XRCC4: variants seen among roughly 807,000 people sequenced by gnomAD.
XRCC4 encodes the protein DNA repair protein XRCC4.
A neutral mutation model predicts 39.1 loss-of-function variants in XRCC4; 28 were observed. That is an observed-to-expected ratio of 0.72 (90% CI 0.53 to 0.98). XRCC4 has a LOEUF of 0.98. Among genes scored for constraint, XRCC4 ranks in the 50% least tolerant of loss-of-function variants. The probability of loss-of-function intolerance (pLI) is 0.00; values close to 1 mark genes in which losing one functional copy is unlikely to be tolerated. For missense variants in XRCC4, 350 were observed against 376.4 expected, an observed-to-expected ratio of 0.93 and a Z score of 0.58; for synonymous variants, 123 against 126.4, an observed-to-expected ratio of 0.97 and a Z score of 0.18.
intron 3 of XRCC4, among the ~76,000 whole-genome samples, chr5:83,127,559 G>GTT (rs70973380): frequency 2.7e-5 from 4 of 150,484 alleles, no homozygotes; most frequent in Non-Finnish European, 5.9e-5. Context: ...TTTTGTTTTT[G>GTT]TTTTTTTTTA....
intron 1 of XRCC4, among the ~76,000 whole-genome samples, chr5:83,084,307 T>C (rs1745087491): frequency 6.6e-6 from 1 of 152,218 alleles, no homozygotes; most frequent in South Asian, 2.1e-4. Context: ...GACAATTTGC[T>C]CCTTGTTATT....
chr5:83,147,934 C>A (rs1748537072), intron 3 of XRCC4, among the ~76,000 whole-genome samples: 1 of 151,990 alleles, frequency 6.6e-6, no homozygotes, highest in East Asian at 1.9e-4. Context: ...ATTACAGACA[C>A]ATGCCACTAT....
At chr5:83,233,733 CAA>C (rs200461475) in intron 6 of XRCC4, among the ~76,000 whole-genome samples, 45 of 98,408 alleles carry the variant, frequency 4.6e-4, no homozygotes, top group Admixed American at 8.6e-4. Context: ...ACTAAAAATG[CAA>C]AAAAAAAAAA....
the XRCC4 span, among the ~76,000 whole-genome samples, chr5:83,360,085 G>A: frequency 2.0e-5 from 3 of 152,088 alleles, no homozygotes; most frequent in Non-Finnish European, 2.9e-5. Flanking sequence ...AGAATAATAC[G>A]TATATTAATC....
intron 5 of XRCC4, 61 bp from the exon 6 acceptor site, chr5:83,204,754 A>T: frequency 8.1e-7 from 1 of 1,237,384 alleles, no homozygotes; most frequent in Non-Finnish European, 1.2e-6. Flanking sequence ...CTTACTGATA[A>T]ATCTGCTGCC....
chr5:83,368,333 A>T, the XRCC4 span, among the ~76,000 whole-genome samples: 1 of 152,138 alleles, frequency 6.6e-6, no homozygotes, highest in Admixed American at 6.5e-5. Context: ...ATGAAATGGC[A>T]ATGAGCACAG....
chr5:83,134,429 C>G (rs1334900332), intron 3 of XRCC4, among the ~76,000 whole-genome samples: 1 of 152,172 alleles, frequency 6.6e-6, no homozygotes, highest in African/African-American at 2.4e-5. Flanking sequence ...ACTTTTCTGT[C>G]TAGCTAAAGG....
intron 7 of XRCC4, among the ~76,000 whole-genome samples, chr5:83,325,720 T>A (rs1371088986): frequency 6.6e-6 from 1 of 152,138 alleles, no homozygotes; most frequent in East Asian, 1.9e-4. Context: ...TGATGAGCAT[T>A]TAGGTTGATT....
chr5:83,090,344 T>TGG (rs35755257), intron 1 of XRCC4, among the ~76,000 whole-genome samples: 2,394 of 149,874 alleles, frequency 0.016, 56 homozygotes, highest in African/African-American at 0.057. Context: ...GTGGTGGGGT[T>TGG]GGGGGGGGCT....
At chr5:83,220,934 G>A (rs1478896413) in intron 6 of XRCC4, among the ~76,000 whole-genome samples, 1 of 152,080 alleles carries the variant, frequency 6.6e-6, no homozygotes, top group Non-Finnish European at 1.5e-5. Flanking sequence ...TGACATCAGT[G>A]TTTTAAATAA....
At chr5:83,133,316 A>T (rs1172128940) in intron 3 of XRCC4, among the ~76,000 whole-genome samples, 1 of 152,160 alleles carries the variant, frequency 6.6e-6, no homozygotes. Flanking sequence ...GGTGCCTCCC[A>T]GTTAGGCTAC....
intron 6 of XRCC4, among the ~76,000 whole-genome samples, chr5:83,241,047 C>T (rs1181963497): frequency 6.6e-6 from 1 of 151,882 alleles, no homozygotes; most frequent in Non-Finnish European, 1.5e-5. Flanking sequence ...ACCAGCCTGG[C>T]GAACATGGCA....
intron 6 of XRCC4, among the ~76,000 whole-genome samples, chr5:83,235,409 C>A (rs1228474630): frequency 6.8e-6 from 1 of 146,622 alleles, no homozygotes; most frequent in Non-Finnish European, 1.5e-5. Flanking sequence ...GATGTTTCAA[C>A]ATATGCAAAT....
chr5:83,139,594 C>T (rs987386619), intron 3 of XRCC4, among the ~76,000 whole-genome samples: 10 of 152,142 alleles, frequency 6.6e-5, no homozygotes, highest in African/African-American at 1.4e-4. Flanking sequence ...GAGAAATCTT[C>T]GTTAGGTGAT....
At chr5:83,151,138 A>G (rs1189757100) in intron 3 of XRCC4, among the ~76,000 whole-genome samples, 1 of 152,174 alleles carries the variant, frequency 6.6e-6, no homozygotes, top group African/African-American at 2.4e-5. Context: ...TAAAATTGAA[A>G]TAGAATAATT....
At chr5:83,260,223 C>G (rs916015638) in intron 7 of XRCC4, among the ~76,000 whole-genome samples, 1 of 151,880 alleles carries the variant, frequency 6.6e-6, no homozygotes, top group African/African-American at 2.4e-5. Context: ...TACGGTGAAC[C>G]AAAAATATTT....
At chr5:83,091,332 T>A (rs1029276891) in intron 1 of XRCC4, among the ~76,000 whole-genome samples, 1 of 152,022 alleles carries the variant, frequency 6.6e-6, no homozygotes, top group Non-Finnish European at 1.5e-5. Flanking sequence ...AAGAGTGAAA[T>A]GGGAACTGCC....
chr5:83,357,005 T>C (rs1032106244), downstream of XRCC4, among the ~76,000 whole-genome samples: 1 of 152,222 alleles, frequency 6.6e-6, no homozygotes, highest in African/African-American at 2.4e-5. Context: ...GGAAAAGTTT[T>C]TCTGAATGGC....
intron 3 of XRCC4, among the ~76,000 whole-genome samples, chr5:83,181,474 C>CT (rs28360103): frequency 8.7e-4 from 40 of 45,950 alleles, no homozygotes; most frequent in African/African-American, 3.7e-3. Context: ...TGCATCAGTT[C>CT]TTTTTTATGC....
Sources: gnomAD v4.1 joint callset for allele counts (sites outside exome capture counted in the v4.1 genomes callset) on GRCh38, gnomAD v4.1.1 for gene constraint, MANE v1.5 for transcripts, NCBI Gene and HGNC (gene_info 2026-07-23, HGNC 2026-07-21) for gene names.